The following WDR70 variants were observed in gnomAD, a reference collection of about 807,000 sequenced individuals.
WDR70 encodes WD repeat-containing protein 70.
WDR70 carries 53 observed loss-of-function variants against 88.6 expected under a neutral mutation model. The ratio of observed to expected loss-of-function variants is 0.60; its 90% CI spans 0.48 to 0.75. WDR70 has a LOEUF of 0.75. WDR70 is among the 30% of genes least tolerant of loss of function. The probability of loss-of-function intolerance (pLI) is 0.00; values close to 1 mark genes in which losing one functional copy is unlikely to be tolerated. For synonymous variants in WDR70, 280 were observed against 270.0 expected (o/e 1.04, Z -0.36); for missense variants, 610 against 823.2 (o/e 0.74, Z 3.17).
intron 9 of WDR70, among the ~76,000 whole-genome samples, chr5:37,569,546 C>T (rs1322408342): frequency 3.9e-5 from 6 of 152,280 alleles, no homozygotes; most frequent in East Asian, 1.9e-4. Context: ...AACCACAGGA[C>T]GTCCCTTGTC....
intron 8 of WDR70, among the ~76,000 whole-genome samples, chr5:37,502,128 C>T (rs560825773): frequency 6.6e-6 from 1 of 152,156 alleles, no homozygotes; most frequent in African/African-American, 2.4e-5. Flanking sequence ...TTTTGTAGTT[C>T]TCCTTGTAGA....
intron 12 of WDR70, among the ~76,000 whole-genome samples, chr5:37,702,189 G>T (rs1303824723): frequency 1.3e-5 from 2 of 152,164 alleles, no homozygotes; most frequent in Non-Finnish European, 2.9e-5. Context: ...TGCTGCCCAT[G>T]GCATTTTATG....
intron 5 of WDR70, among the ~76,000 whole-genome samples, chr5:37,413,883 C>T (rs1461947617): frequency 6.6e-6 from 1 of 152,048 alleles, no homozygotes; most frequent in African/African-American, 2.4e-5. Context: ...CAGTGGCTCA[C>T]GTCTGTAATC....
chr5:37,507,343 T>C (rs1375676846), intron 8 of WDR70, among the ~76,000 whole-genome samples: 1 of 152,248 alleles, frequency 6.6e-6, no homozygotes, highest in East Asian at 1.9e-4. Flanking sequence ...TGAACATTTA[T>C]TGTTTCTATG....
intron 10 of WDR70, among the ~76,000 whole-genome samples, chr5:37,615,869 A>G (rs1204366352): frequency 6.6e-6 from 1 of 152,072 alleles, no homozygotes; most frequent in African/African-American, 2.4e-5. Flanking sequence ...CACTCCCTCA[A>G]TTGCGTCTCT....
chr5:37,527,489 G>A (rs1370211102), intron 9 of WDR70, among the ~76,000 whole-genome samples: 1 of 152,086 alleles, frequency 6.6e-6, no homozygotes, highest in African/African-American at 2.4e-5. Flanking sequence ...AATTCAAGAT[G>A]GATTAAAGAC....
chr5:37,389,460 G>C (rs1487253896), intron 3 of WDR70, among the ~76,000 whole-genome samples: 1 of 151,866 alleles, frequency 6.6e-6, no homozygotes, highest in Non-Finnish European at 1.5e-5. Flanking sequence ...GCCCAGGCTG[G>C]AGTGCAGTGG....
chr5:37,676,548 G>A lies in WDR70; in HGVS notation c.1093-21107G>A, dbSNP rs373111893. Among the ~76,000 whole-genome samples, 831 of 151,140 alleles carry A rather than the reference G, an allele frequency of 5.5e-3. 36 individuals are homozygous for A. In the East Asian group the frequency reaches 0.12, roughly 22 times the overall value. ...TGCTGGATTACATTTATTGATTTGCGTATATTGAACCAGCCTTGCATCCCA... is the reference window on the plus strand; with the variant it reads ...TGCTGGATTACATTTATTGATTTGCATATATTGAACCAGCCTTGCATCCCA... On this transcript the variant is annotated intron_variant, in intron 10 of 17. Transcript: ENST00000265107.
chr5:37,556,029 T>G (rs1338704450), intron 9 of WDR70, among the ~76,000 whole-genome samples: 1 of 152,158 alleles, frequency 6.6e-6, no homozygotes. Flanking sequence ...AATGTTCAGT[T>G]TTAAGTACTA....
At chr5:37,529,453 G>A (rs1275210355) in intron 9 of WDR70, among the ~76,000 whole-genome samples, 1 of 152,130 alleles carries the variant, frequency 6.6e-6, no homozygotes, top group Non-Finnish European at 1.5e-5. Flanking sequence ...TCATCCATGA[G>A]CATGGGGAGT....
At chr5:37,484,437 C>G (rs555700574) in intron 8 of WDR70, among the ~76,000 whole-genome samples, 9 of 152,154 alleles carry the variant, frequency 5.9e-5, no homozygotes, top group Admixed American at 5.9e-4. Flanking sequence ...CGCCTGCAAT[C>G]GCAGGCACTC....
chr5:37,677,699 A>T (rs965800141), intron 10 of WDR70, among the ~76,000 whole-genome samples: 98 of 152,294 alleles, frequency 6.4e-4, no homozygotes, highest in Non-Finnish European at 1.1e-3. Context: ...TGCTGAAAAA[A>T]AATGTGTATT....
At chr5:37,534,246 A>G (rs148513985) in intron 9 of WDR70, among the ~76,000 whole-genome samples, 5 of 152,280 alleles carry the variant, frequency 3.3e-5, no homozygotes, top group East Asian at 1.9e-4. Flanking sequence ...CCTGCCTCCT[A>G]TTCGCCATCT....
chr5:37,729,112 A>C (rs1422228541), intron 17 of WDR70, among the ~76,000 whole-genome samples: 1 of 152,040 alleles, frequency 6.6e-6, no homozygotes, highest in Admixed American at 6.6e-5. Flanking sequence ...CATCTTTCTC[A>C]AGCGCCTATA....
chr5:37,606,830 C>A (rs1257553939), intron 10 of WDR70, among the ~76,000 whole-genome samples: 1 of 146,946 alleles, frequency 6.8e-6, no homozygotes, highest in Non-Finnish European at 1.5e-5. Context: ...GAAAAACTTG[C>A]CAGCAGGAAA....
At chr5:37,593,255 C>G (rs867701114) in intron 9 of WDR70, among the ~76,000 whole-genome samples, 1 of 152,080 alleles carries the variant, frequency 6.6e-6, no homozygotes, top group Non-Finnish European at 1.5e-5. Flanking sequence ...TTTTCTGCAC[C>G]CATGAACACG....
chr5:37,423,850 C>T (rs1750030716), intron 5 of WDR70, among the ~76,000 whole-genome samples: 1 of 147,494 alleles, frequency 6.8e-6, no homozygotes, highest in Non-Finnish European at 1.5e-5. Flanking sequence ...GTGTGAACCA[C>T]CACACCCAGC....
rs564334644 is a variant in WDR70, at chr5:37,545,356, T to C, written c.917+28766T>C. On this transcript the variant is annotated intron_variant, in intron 9 of 17. Coordinates refer to ENST00000265107, the MANE Select transcript of WDR70 (RefSeq NM_018034.4). ...AGTGTGTGATTTTTTGATACCCTCA[T>C]AGAAATGGAAAATATACTGTTTACA... Among the ~76,000 whole-genome samples the C allele has an allele frequency of 3.9e-5, 6 of 152,276 alleles. No homozygotes were observed. The South Asian group carries it at 6.2e-4, about 16-fold the overall frequency.
intron 17 of WDR70, among the ~76,000 whole-genome samples, chr5:37,749,408 CAG>C (rs1266660892): frequency 6.6e-6 from 1 of 151,738 alleles, no homozygotes; most frequent in Non-Finnish European, 1.5e-5. Context: ...ATTGAGAACA[CAG>C]AGAGGGGAAC....
Sources: gnomAD v4.1 joint callset for allele counts (sites outside exome capture counted in the v4.1 genomes callset) on GRCh38, gnomAD v4.1.1 for gene constraint, MANE v1.5 for transcripts, NCBI Gene and HGNC (gene_info 2026-07-23, HGNC 2026-07-21) for gene names.